Variants in WDR64 observed in about 807,000 individuals in gnomAD.
The protein encoded by WDR64 is WD repeat-containing protein 64.
WDR64 carries 112 observed loss-of-function variants against 139.3 expected under a neutral mutation model. The ratio of observed to expected loss-of-function variants is 0.80; its 90% CI spans 0.69 to 0.94. The LOEUF (loss-of-function observed/expected upper bound fraction) is 0.94, where lower values mean the gene tolerates loss of function less well. WDR64 is among the 40% of genes least tolerant of loss of function. WDR64 has a pLI of 0.00. For missense variants in WDR64, 1,206 were observed against 1,293.1 expected (o/e 0.93, Z 1.03); for synonymous variants, 444 against 437.7 (o/e 1.01, Z -0.18).
intron 6 of WDR64, among the ~76,000 whole-genome samples, chr1:241,681,293 C>T (rs553761453): frequency 1.3e-5 from 2 of 152,156 alleles, no homozygotes; most frequent in South Asian, 2.1e-4. Context: ...TCCCCAGAGT[C>T]CCCAAAGTCC....
chr1:241,787,811 C>T lies in WDR64; in HGVS notation c.2706-38C>T, dbSNP rs1574097566. On this transcript the variant is annotated intron_variant, in intron 23 of 27. Transcript: ENST00000437684. ...AACAGAATAACTTTGACCAAATTTT[C>T]CAGTTACTTTTTCCTCCCTTCCTTT... 16 of 1,524,212 alleles carry T rather than the reference C, an allele frequency of 1.0e-5. No individual in the cohort carries two copies. The East Asian group carries it at 3.7e-4, about 35-fold the overall frequency. 94.4% of individuals were successfully genotyped at this position (1,524,212 alleles called of 1,614,324 possible). A position where few individuals can be genotyped will look rare whatever the true frequency, so the allele number is the denominator to read the frequency against.
chr1:241,747,742 C>T (rs934462363), intron 13 of WDR64, among the ~76,000 whole-genome samples: 2 of 152,108 alleles, frequency 1.3e-5, no homozygotes, highest in Non-Finnish European at 2.9e-5. Context: ...ATCGATGTTG[C>T]AGGCAAATAG....
Position 241,786,604 on chromosome 1 carries a change from T to A in WDR64, c.2706-1245T>A, listed in dbSNP as rs896847751. On this transcript the variant is annotated intron_variant, in intron 23 of 27. Coordinates refer to ENST00000437684, the MANE Select transcript of WDR64 (RefSeq NM_001367482.1). ...AAAAATTAGCAGGGTATTTGCACAA[T>A]AGTAGCAGCTGTGGATGGAGGTTGA... Among the ~76,000 whole-genome samples the A allele has an allele frequency of 3.3e-5, 5 of 152,238 alleles. 1 individual carries two copies. Among genetic ancestry groups the A allele is most frequent in the Middle Eastern group, 6.8e-3 (2 of 294 alleles).
At position 241,709,618 on chromosome 1, in the gene WDR64, A is replaced by G. The variant is rs73141023; in HGVS notation, c.975-2184A>G. Among the ~76,000 whole-genome samples, 863 of 152,286 alleles carry G rather than the reference A, an allele frequency of 5.7e-3. 6 individuals carry two copies. The highest frequency in any genetic ancestry group is 0.02 in the African/African-American group (821 of 41,546). ...AACAGAGTGAGACTCTGTCTCTACTAAAGAAAGAAAGAAAGTTAGGCTTTG... is the reference window on the plus strand; with the variant it reads ...AACAGAGTGAGACTCTGTCTCTACTGAAGAAAGAAAGAAAGTTAGGCTTTG... On this transcript the variant is annotated intron_variant, in intron 8 of 27. Coordinates refer to ENST00000437684, the MANE Select transcript of WDR64 (RefSeq NM_001367482.1).
At chr1:241,659,443 T>G (rs1665738358) in intron 1 of WDR64, among the ~76,000 whole-genome samples, 1 of 152,212 alleles carries the variant, frequency 6.6e-6, no homozygotes, top group Non-Finnish European at 1.5e-5. Context: ...GATTGCTGGG[T>G]CAAATGGTAT....
chr1:241,683,376 T>C, intron 6 of WDR64, 111 bp from the exon 7 acceptor site: 1 of 939,340 alleles, frequency 1.1e-6, no homozygotes, highest in South Asian at 1.7e-5. Context: ...ATAAGATAGG[T>C]GTATCTACAA....
chr1:241,799,202 CAAA>C (rs4046210), intron 27 of WDR64, among the ~76,000 whole-genome samples: 341 of 33,332 alleles, frequency 0.01, 6 homozygotes, highest in South Asian at 0.036. Context: ...TTTGTCTCTC[CAAA>C]AAAAAAAAAA....
chr1:241,740,822 T>G (rs113645296), intron 11 of WDR64, among the ~76,000 whole-genome samples: 44 of 152,202 alleles, frequency 2.9e-4, no homozygotes, highest in African/African-American at 9.9e-4. Flanking sequence ...CCCACCACCA[T>G]GCCCGGCTAA....
chr1:241,796,461 C>A, intron 27 of WDR64, 91 bp downstream of exon 27: 5 of 801,592 alleles, frequency 6.2e-6, no homozygotes, highest in African/African-American at 1.8e-5. Context: ...CTTTCAGAAA[C>A]ATTCTGAACC....
chr1:241,765,674 C>A (rs1251586411), intron 15 of WDR64, among the ~76,000 whole-genome samples: 1 of 152,212 alleles, frequency 6.6e-6, no homozygotes. Context: ...TTTCACATTG[C>A]ACTGTAATCA....
At chr1:241,673,204 T>C (rs1407890129) in intron 3 of WDR64, among the ~76,000 whole-genome samples, 1 of 140,262 alleles carries the variant, frequency 7.1e-6, no homozygotes, top group Non-Finnish European at 1.6e-5. Flanking sequence ...GGGGGAGGGA[T>C]AGCATTAGGA....
At chr1:241,660,767 T>A in intron 2 of WDR64, 107 bp downstream of exon 2, 1 of 1,264,020 alleles carries the variant, frequency 7.9e-7, no homozygotes, top group Non-Finnish European at 1.1e-6. Context: ...AACCACAACG[T>A]GCATGTGTCA....
chr1:241,712,778 A>G (rs1427046716), intron 9 of WDR64, among the ~76,000 whole-genome samples: 1 of 152,078 alleles, frequency 6.6e-6, no homozygotes, highest in Non-Finnish European at 1.5e-5. Context: ...TAGGAGTTCA[A>G]GACTGCCCTA....
intron 24 of WDR64, 52 bp downstream of exon 24, chr1:241,788,086 G>C: frequency 6.8e-7 from 1 of 1,474,498 alleles, no homozygotes; most frequent in Non-Finnish European, 9.1e-7. Flanking sequence ...AAACTGTTGA[G>C]ATGCTGTGGC....
chr1:241,760,150 T>C (rs1170044657), intron 15 of WDR64, among the ~76,000 whole-genome samples: 2 of 152,204 alleles, frequency 1.3e-5, no homozygotes, highest in Non-Finnish European at 2.9e-5. Context: ...TTCACTTTTT[T>C]GCTATTAATA....
intron 10 of WDR64, among the ~76,000 whole-genome samples, chr1:241,732,922 C>A (rs558792999): frequency 3.9e-5 from 6 of 152,140 alleles, no homozygotes; most frequent in East Asian, 1.9e-4. Flanking sequence ...GAAGAAATGC[C>A]GGGAAATACA....
At chr1:241,790,810 T>A (rs1057197930) in intron 25 of WDR64, 114 bp downstream of exon 25, 9 of 790,324 alleles carry the variant, frequency 1.1e-5, no homozygotes, top group Non-Finnish European at 1.8e-5. Flanking sequence ...TTATTGATGG[T>A]ATTACAAATT....
chr1:241,769,575 A>AAAACCAC, intron 17 of WDR64, 70 bp downstream of exon 17: 1 of 1,326,186 alleles, frequency 7.5e-7, no homozygotes, highest in Non-Finnish European at 1.0e-6. Flanking sequence ...GGTTGATGCA[A>AAAACCAC]AATTAATTGT....
At chr1:241,718,354 C>T (rs1248228353) in intron 9 of WDR64, among the ~76,000 whole-genome samples, 4 of 152,098 alleles carry the variant, frequency 2.6e-5, no homozygotes, top group South Asian at 2.1e-4. Context: ...GAAGGCGCTG[C>T]GGAGAGTAAT....
Sources: gnomAD v4.1 joint callset for allele counts (sites outside exome capture counted in the v4.1 genomes callset) on GRCh38, gnomAD v4.1.1 for gene constraint, MANE v1.5 for transcripts, NCBI Gene and HGNC (gene_info 2026-07-23, HGNC 2026-07-21) for gene names.